XRN2: variants seen among roughly 807,000 people sequenced by gnomAD.
XRN2 encodes the protein DHM1-like protein.
A neutral mutation model predicts 138.5 loss-of-function variants in XRN2; 44 were observed. That is an observed-to-expected ratio of 0.32 (90% CI 0.25 to 0.41). XRN2 has a LOEUF of 0.41. Among genes scored for constraint, XRN2 ranks in the 10% least tolerant of loss-of-function variants. The pLI is 1.00. For missense variants in XRN2, 937 were observed against 1,169.3 expected (o/e 0.80, Z 2.90); for synonymous variants, 354 against 369.4 (o/e 0.96, Z 0.48).
At chr20:21,375,117 A>T (rs1218168032) in intron 27 of XRN2, among the ~76,000 whole-genome samples, 2 of 149,990 alleles carry the variant, frequency 1.3e-5, no homozygotes, top group Admixed American at 1.3e-4. Flanking sequence ...AAGACTTCAA[A>T]ATTAAGTGCT....
At chr20:21,311,754 A>C (rs1600669151) in intron 1 of XRN2, among the ~76,000 whole-genome samples, 1 of 152,172 alleles carries the variant, frequency 6.6e-6, no homozygotes, top group Non-Finnish European at 1.5e-5. Context: ...TTGGGAGGCC[A>C]AGGAAGATGG....
intron 1 of XRN2, among the ~76,000 whole-genome samples, chr20:21,304,249 T>C (rs1195135330): frequency 1.3e-5 from 2 of 152,178 alleles, no homozygotes; most frequent in Non-Finnish European, 2.9e-5. Flanking sequence ...TGCTCTTAAT[T>C]AGAATTTCTG....
intron 3 of XRN2, 72 bp from the exon 4 acceptor site, chr20:21,328,487 G>A: frequency 7.1e-7 from 1 of 1,407,448 alleles, no homozygotes; most frequent in African/African-American, 1.4e-5. Flanking sequence ...AAGAACAACT[G>A]ATTCAAAATA....
intron 4 of XRN2, among the ~76,000 whole-genome samples, chr20:21,330,041 G>T (rs1176870665): frequency 6.6e-6 from 1 of 152,142 alleles, no homozygotes; most frequent in Non-Finnish European, 1.5e-5. Flanking sequence ...CCAGCATTTT[G>T]GGAGGCCGAG....
chr20:21,326,324 C>T lies in XRN2; in HGVS notation c.121C>T (p.Pro41Ser), dbSNP rs1370809446. ...AAAGATTCCAGTTGATGCCAGTAAA[C>T]CTAATCCAAATGATGTGGAGTTTGA... ...GVKIPVDASK[P>S]NPNDVEFDNL... Residue 41 changes from proline to serine, a missense_variant, in exon 2 of 30, where the codon CCT becomes TCT. By Grantham distance (74) the Pro-to-Ser change is moderately conservative. Around this residue, in one of 6 missense-constraint regions of XRN2, gnomAD observed 51 missense variants for 93.5 expected, o/e 0.55. Transcript: ENST00000377191. 3.7e-6 allele frequency: 6 copies of T among 1,613,756 alleles called. No individual in the cohort carries two copies. In the South Asian group the frequency reaches 6.6e-5, roughly 18 times the overall value.
intron 15 of XRN2, among the ~76,000 whole-genome samples, chr20:21,343,656 C>T (rs1350853638): frequency 6.6e-6 from 1 of 151,030 alleles, no homozygotes; most frequent in African/African-American, 2.4e-5. Flanking sequence ...TTTTATATAT[C>T]ACATAATTTT....
At chr20:21,351,429 A>T (rs1297726969) in intron 20 of XRN2, among the ~76,000 whole-genome samples, 1 of 152,146 alleles carries the variant, frequency 6.6e-6, no homozygotes, top group Admixed American at 6.5e-5. Flanking sequence ...CCTTTGCTCA[A>T]TTTTGAATTG....
chr20:21,338,910 G>C (rs540417794), intron 13 of XRN2, 134 bp from the exon 14 acceptor site: 1 of 749,652 alleles, frequency 1.3e-6, no homozygotes, highest in African/African-American at 1.8e-5. Context: ...CTTATTGCCT[G>C]GTTTAATCAT....
intron 1 of XRN2, among the ~76,000 whole-genome samples, chr20:21,324,254 T>C (rs1426853843): frequency 6.6e-6 from 1 of 152,190 alleles, no homozygotes; most frequent in Non-Finnish European, 1.5e-5. Flanking sequence ...GATTGTCTAG[T>C]AGCTTCTTCT....
At chr20:21,333,663 C>T (rs184552659) in intron 10 of XRN2, 41 bp from the exon 11 acceptor site, 6 of 1,613,784 alleles carry the variant, frequency 3.7e-6, no homozygotes, top group Non-Finnish European at 5.1e-6. Context: ...AAGCAGGGTG[C>T]CTTTGATAGC....
intron 1 of XRN2, among the ~76,000 whole-genome samples, chr20:21,320,689 G>A (rs1364543006): frequency 6.6e-6 from 1 of 151,996 alleles, no homozygotes; most frequent in African/African-American, 2.4e-5. Flanking sequence ...CCATCTCCCG[G>A]GTTCAAGCGA....
At chr20:21,387,962 T>A (rs1241613770) in intron 29 of XRN2, among the ~76,000 whole-genome samples, 1 of 152,250 alleles carries the variant, frequency 6.6e-6, no homozygotes, top group Non-Finnish European at 1.5e-5. Flanking sequence ...TGAGATTTTG[T>A]TACAGTTTAT....
intron 27 of XRN2, among the ~76,000 whole-genome samples, chr20:21,375,151 CT>C (rs2038806487): frequency 6.8e-6 from 1 of 146,326 alleles, no homozygotes; most frequent in Non-Finnish European, 1.5e-5. Flanking sequence ...TATAGTCACT[CT>C]TCTTTTCTTG....
intron 19 of XRN2, among the ~76,000 whole-genome samples, 182 bp from the exon 20 acceptor site, chr20:21,349,207 A>G (rs769594620): frequency 2.6e-5 from 4 of 152,222 alleles, no homozygotes; most frequent in Non-Finnish European, 4.4e-5. Context: ...TTTTAAAATA[A>G]CATTGTTCAT....
intron 1 of XRN2, among the ~76,000 whole-genome samples, chr20:21,325,949 A>G (rs1229095188): frequency 2.0e-5 from 3 of 152,150 alleles, no homozygotes; most frequent in Non-Finnish European, 4.4e-5. Flanking sequence ...TTTTTACGTT[A>G]CTTTGACAGG....
intron 8 of XRN2, among the ~76,000 whole-genome samples, 174 bp from the exon 9 acceptor site, chr20:21,332,109 C>A (rs1311916498): frequency 6.6e-6 from 1 of 152,178 alleles, no homozygotes; most frequent in Non-Finnish European, 1.5e-5. Context: ...GTCCACGTAT[C>A]TAGAGGACTT....
chr20:21,349,528 T>A (rs1388547909), intron 20 of XRN2, 67 bp downstream of exon 20: 2 of 1,249,960 alleles, frequency 1.6e-6, no homozygotes, highest in Non-Finnish European at 2.3e-6. Flanking sequence ...GAAATAATTC[T>A]GTAAAAGATA....
intron 4 of XRN2, among the ~76,000 whole-genome samples, chr20:21,329,173 G>A (rs2122207261): frequency 6.6e-6 from 1 of 152,308 alleles, no homozygotes; most frequent in African/African-American, 2.4e-5. Context: ...AATATAGGTT[G>A]ATGGAGCAGG....
Position 21,340,861 on chromosome 20 carries a change from C to T in XRN2, c.1410+9C>T, listed in dbSNP as rs2038363218. 5 of 1,613,600 alleles carry T rather than the reference C, an allele frequency of 3.1e-6. No homozygotes were observed. Among genetic ancestry groups the T allele is most frequent in the Non-Finnish European group, 3.4e-6 (4 of 1,179,688 alleles). ...GGATGCAGAATAACTCTGTAAGTGGCTTACTTTTATGTGACATTTAAGAGT... is the reference window on the plus strand; with the variant it reads ...GGATGCAGAATAACTCTGTAAGTGGTTTACTTTTATGTGACATTTAAGAGT... On this transcript the variant is annotated intron_variant, in intron 15 of 29. Coordinates refer to ENST00000377191, the MANE Select transcript of XRN2 (RefSeq NM_012255.5).
Sources: gnomAD v4.1 joint callset for allele counts (sites outside exome capture counted in the v4.1 genomes callset) on GRCh38, gnomAD v4.1.1 for gene constraint, gnomAD v4.1.1 regional missense constraint, MANE v1.5 for transcripts, NCBI Gene and HGNC (gene_info 2026-07-23, HGNC 2026-07-21) for gene names.